Variants in PCDHGA4 observed in about 807,000 individuals in gnomAD.
PCDHGA4 encodes the protein protocadherin gamma subfamily A, 4.
In PCDHGA4, 38 loss-of-function variants were observed where a neutral mutation model predicts 54.6. The observed-to-expected ratio is 0.70, with a 90% confidence interval of 0.54 to 0.91. The LOEUF (loss-of-function observed/expected upper bound fraction) is 0.91. Ranked by LOEUF, PCDHGA4 falls within the 40% of genes least tolerant of loss-of-function variation. The pLI is 0.00. For missense variants in PCDHGA4, 1,298 were observed against 1,220.9 expected, an observed-to-expected ratio of 1.06 and a Z score of -0.94; for synonymous variants, 511 against 512.9, an observed-to-expected ratio of 1.00 and a Z score of 0.05.
chr5:141,394,322 G>T (rs1438978424), intron 1 of PCDHGA4: 3 of 1,613,960 alleles, frequency 1.9e-6, no homozygotes, highest in Non-Finnish European at 1.7e-6. Context: ...CCCTGTCCTC[G>T]TATATCTCCA....
At chr5:141,382,105 G>A (rs1265846285) in intron 1 of PCDHGA4, among the ~76,000 whole-genome samples, 7 of 152,166 alleles carry the variant, frequency 4.6e-5, no homozygotes, top group African/African-American at 1.7e-4. Flanking sequence ...TGGGATTACA[G>A]GCGTGAGCAA....
At chr5:141,447,647 T>C (rs1338920727) in intron 1 of PCDHGA4, among the ~76,000 whole-genome samples, 1 of 152,092 alleles carries the variant, frequency 6.6e-6, no homozygotes, top group African/African-American at 2.4e-5. Flanking sequence ...GATGGTAGAA[T>C]TTTCCCCCCC....
At chr5:141,375,572 CA>C in intron 1 of PCDHGA4, 2 of 1,614,102 alleles carry the variant, frequency 1.2e-6, no homozygotes, top group Non-Finnish European at 1.7e-6. Flanking sequence ...AGACACCCTC[CA>C]GGGGGCGCCC....
chr5:141,394,472 G>C, intron 1 of PCDHGA4: 2 of 1,614,242 alleles, frequency 1.2e-6, no homozygotes, highest in East Asian at 2.2e-5. Flanking sequence ...TGTTCGTGCT[G>C]GACCAGAATG....
At chr5:141,404,891 C>G in intron 1 of PCDHGA4, 1 of 1,613,898 alleles carries the variant, frequency 6.2e-7, no homozygotes, top group African/African-American at 1.3e-5. Context: ...GGTGGCTGTA[C>G]AGGACCATGG....
Position 141,477,545 on chromosome 5 carries a change from C to T in PCDHGA4, c.2515-17262C>T. The T allele has an allele frequency of 6.2e-7, 1 of 1,614,194 alleles. No individual in the cohort carries two copies. Among genetic ancestry groups the T allele is most frequent in the South Asian group, 1.1e-5 (1 of 91,086 alleles). On this transcript the variant is annotated intron_variant, in intron 1 of 3. Coordinates refer to ENST00000571252, the MANE Select transcript of PCDHGA4 (RefSeq NM_018917.4). The surrounding 1 kb of genome is among the most constrained non-coding windows in gnomAD (Gnocchi z 4.9). ...AAACAACCTCCCCGGGGCTCCAATA[C>T]TAAACCTAAGTGTCTGGGACCCCGA...
chr5:141,359,651 G>A (rs1761279530), intron 1 of PCDHGA4, among the ~76,000 whole-genome samples: 1 of 152,024 alleles, frequency 6.6e-6, no homozygotes, highest in Non-Finnish European at 1.5e-5. Flanking sequence ...GAAGGAGACA[G>A]AATATTTATA....
In PCDHGA4 at chr5:141,486,667, G is replaced by A; in HGVS notation, c.2515-8140G>A. On this transcript the variant is annotated intron_variant, in intron 1 of 3. Coordinates refer to ENST00000571252, the MANE Select transcript of PCDHGA4 (RefSeq NM_018917.4). The surrounding 1 kb of genome is among the most constrained non-coding windows in gnomAD (Gnocchi z 5.0). ...TCTCCTACTCACTCCTGGAGCCCAG[G>A]AATCGAGATGTATCAGCTTCCTCTT... 4 of 1,613,948 alleles carry A rather than the reference G, an allele frequency of 2.5e-6. No individual in the cohort carries two copies. Among genetic ancestry groups the A allele is most frequent in the Non-Finnish European group, 3.4e-6 (4 of 1,180,014 alleles).
intron 2 of PCDHGA4, among the ~76,000 whole-genome samples, chr5:141,500,935 C>A (rs1159997919): frequency 1.3e-5 from 2 of 151,694 alleles, no homozygotes; most frequent in Non-Finnish European, 2.9e-5. Flanking sequence ...GTGGCGCCAT[C>A]TCGGCTCACT....
intron 1 of PCDHGA4, among the ~76,000 whole-genome samples, chr5:141,406,564 C>T (rs1475993893): frequency 6.6e-6 from 1 of 152,164 alleles, no homozygotes; most frequent in African/African-American, 2.4e-5. Flanking sequence ...CACTTCCAAA[C>T]CCTAGTAAAC....
chr5:141,363,996 G>A (rs1467481221), intron 1 of PCDHGA4, among the ~76,000 whole-genome samples: 3 of 152,124 alleles, frequency 2.0e-5, no homozygotes, highest in Admixed American at 1.3e-4. Context: ...CTGAATTAAC[G>A]GTCATAAACA....
chr5:141,372,480 T>C (rs777083908), intron 1 of PCDHGA4: 5 of 1,613,930 alleles, frequency 3.1e-6, no homozygotes, highest in African/African-American at 2.7e-5. Flanking sequence ...AGTAGTGGCG[T>C]TGGCCTTGAT....
rs763239421 is a variant in PCDHGA4, at chr5:141,477,265, G to C, written c.2515-17542G>C. 1 of 1,614,198 alleles carries C rather than the reference G, an allele frequency of 6.2e-7. No homozygotes were observed. Among genetic ancestry groups the C allele is most frequent in the Admixed American group, 1.7e-5 (1 of 60,020 alleles). On this transcript the variant is annotated intron_variant, in intron 1 of 3. Coordinates refer to ENST00000571252, the MANE Select transcript of PCDHGA4 (RefSeq NM_018917.4). The surrounding 1 kb of genome is among the most constrained non-coding windows in gnomAD (Gnocchi z 4.9). ...GTGTGACTGACCTGGATGCTGGCGA[G>C]AACGGGCTGGTGACCTGCGAAGTTC...
rs752316565 is a variant in PCDHGA4 at position 141,487,235 on chromosome 5, C to T, written c.2515-7572C>T. On this transcript the variant is annotated intron_variant, in intron 1 of 3. Coordinates refer to ENST00000571252, the MANE Select transcript of PCDHGA4 (RefSeq NM_018917.4). This position sits in a 1 kb window ranked among gnomAD's most constrained non-coding sequence, Gnocchi z 5.0. The stretch of plus-strand genomic sequence containing the variant: ...TTCAGCTCCAAGGGAAGGAGAATCT[C>T]GTCTAACCCTCTACTTGGCTGTGTC... The T allele has an allele frequency of 2.5e-6, 4 of 1,614,126 alleles. No individual in the cohort carries two copies. Among genetic ancestry groups the T allele is most frequent in the Non-Finnish European group, 3.4e-6 (4 of 1,179,994 alleles).
At chr5:141,481,913 C>CAAA (rs34114744) in intron 1 of PCDHGA4, among the ~76,000 whole-genome samples, 3 of 90,796 alleles carry the variant, frequency 3.3e-5, no homozygotes, top group Non-Finnish European at 4.4e-5. Flanking sequence ...AACTCCATCT[C>CAAA]AAAAAAAAAA....
intron 1 of PCDHGA4, chr5:141,430,816 C>G: frequency 6.5e-7 from 1 of 1,538,128 alleles, no homozygotes. Context: ...TGGGAATCCT[C>G]CTGGGGACTC....
chr5:141,403,717 G>GC (rs1561689685), intron 1 of PCDHGA4: 2 of 1,613,936 alleles, frequency 1.2e-6, no homozygotes, highest in South Asian at 2.2e-5. Flanking sequence ...TTGAGAACGT[G>GC]CCCCCAGGCA....
At position 141,490,208 on chromosome 5, in the gene PCDHGA4, G is replaced by A. The variant is rs745796427; in HGVS notation, c.2515-4599G>A. On this transcript the variant is annotated intron_variant, in intron 1 of 3. Coordinates refer to ENST00000571252, the MANE Select transcript of PCDHGA4 (RefSeq NM_018917.4). The surrounding 1 kb of genome is among the most constrained non-coding windows in gnomAD (Gnocchi z 5.4). ...TTCTATGAAATTCATGCAAGAGCCC[G>A]TGACCAGGGACAGCCTGCCATGGAG... 44 of 1,614,120 alleles carry A rather than the reference G, an allele frequency of 2.7e-5. No individual in the cohort carries two copies. The Admixed American group carries it at 4.5e-4, about 17-fold the overall frequency.
intron 1 of PCDHGA4, among the ~76,000 whole-genome samples, chr5:141,465,040 C>T (rs1396261200): frequency 6.6e-6 from 1 of 151,842 alleles, no homozygotes; most frequent in Non-Finnish European, 1.5e-5. Context: ...CCACAAATGA[C>T]CCTATATATT....
Sources: allele counts gnomAD v4.1 joint callset (sites outside exome capture counted in the v4.1 genomes callset), GRCh38; gene constraint gnomAD v4.1.1; non-coding constraint Gnocchi (gnomAD v3.1); transcripts MANE v1.5; gene names NCBI Gene and HGNC (gene_info 2026-07-23, HGNC 2026-07-21).